CLVS2: variants seen among roughly 807,000 people sequenced by gnomAD.
CLVS2 encodes clavesin 2.
Under a neutral mutation model 29.0 loss-of-function variants are expected in CLVS2, and 19 were observed. The observed-to-expected ratio is 0.66, with a 90% CI of 0.46 to 0.96. CLVS2 has a LOEUF of 0.96. CLVS2 is among the 40% of genes least tolerant of loss of function. The pLI is 0.00. For synonymous variants in CLVS2, 161 were observed against 151.3 expected, an observed-to-expected ratio of 1.06 and a Z score of -0.47; for missense variants, 294 against 404.1, an observed-to-expected ratio of 0.73 and a Z score of 2.34.
chr6:123,011,047 C>G lies in CLVS2; in HGVS notation c.452C>G (p.Pro151Arg). Residue 151 changes from proline to arginine, a missense_variant, in exon 3 of 6, where the codon CCT (proline) becomes CGT (arginine). Around this residue, in one of 2 missense-constraint regions of CLVS2, gnomAD observed 212 missense variants for 336.4 expected, o/e 0.63. Transcript: ENST00000275162. ...LLSLEAMIED[P>R]ELQVNGFVLI... is the part of the protein sequence containing the mutation. ...TCTTTAGAAGCCATGATTGAAGATC[C>G]TGAGCTTCAAGTGAATGGGTTTGTT... 6.2e-7 allele frequency: 1 copy of G among 1,609,996 alleles called. No individual in the cohort carries two copies. The highest frequency in any genetic ancestry group is 8.5e-7 in the Non-Finnish European group (1 of 1,177,668).
intron 3 of CLVS2, among the ~76,000 whole-genome samples, chr6:123,041,716 T>C (rs1352443881): frequency 6.6e-6 from 1 of 152,168 alleles, no homozygotes; most frequent in Non-Finnish European, 1.5e-5. Context: ...TTCTGTTGAC[T>C]ACACTTAAGA....
At chr6:123,039,721 A>G (rs998196344) in intron 3 of CLVS2, among the ~76,000 whole-genome samples, 2 of 152,226 alleles carry the variant, frequency 1.3e-5, no homozygotes, top group African/African-American at 2.4e-5. Flanking sequence ...TGAGAAGGCC[A>G]TGTATGTTTT....
At chr6:123,052,714 T>A (rs1772630376) in intron 4 of CLVS2, among the ~76,000 whole-genome samples, 1 of 152,144 alleles carries the variant, frequency 6.6e-6, no homozygotes, top group Admixed American at 6.5e-5. Flanking sequence ...GTTGAAAGTT[T>A]TGGTCTGAGA....
chr6:123,005,305 CTAA>C (rs1286564393), intron 2 of CLVS2, among the ~76,000 whole-genome samples: 7 of 152,190 alleles, frequency 4.6e-5, no homozygotes, highest in African/African-American at 1.7e-4. Context: ...AGCTTTACCA[CTAA>C]TAATACCCTG....
intron 3 of CLVS2, among the ~76,000 whole-genome samples, chr6:123,022,821 A>G (rs1774943318): frequency 6.6e-6 from 1 of 152,050 alleles, no homozygotes; most frequent in South Asian, 2.1e-4. Context: ...TGGTCAGCCC[A>G]TTATTTCTCT....
chr6:123,048,850 C>A, intron 4 of CLVS2, 118 bp downstream of exon 4: 1 of 640,470 alleles, frequency 1.6e-6, no homozygotes, highest in Non-Finnish European at 2.7e-6. Flanking sequence ...TAGAAATCAA[C>A]ATAGAAGACA....
intron 5 of CLVS2, among the ~76,000 whole-genome samples, chr6:123,056,372 C>A (rs143411809): frequency 0.01 from 1,550 of 152,228 alleles, 13 homozygotes; most frequent in Non-Finnish European, 0.014. Flanking sequence ...TATCCACCCC[C>A]CCAAACCATC....
chr6:123,041,833 A>G (rs545905644), intron 3 of CLVS2, among the ~76,000 whole-genome samples: 2 of 152,320 alleles, frequency 1.3e-5, no homozygotes, highest in South Asian at 4.2e-4. Context: ...ATGTGAATCT[A>G]GAACATCAAT....
intron 3 of CLVS2, among the ~76,000 whole-genome samples, chr6:123,030,672 A>G (rs1175084951): frequency 6.6e-6 from 1 of 151,906 alleles, no homozygotes; most frequent in Non-Finnish European, 1.5e-5. Context: ...TTTTTTCTTC[A>G]TGTTAATATC....
At position 122,998,054 on chromosome 6, in the gene CLVS2, G is replaced by A. The variant is rs765718594; in HGVS notation, c.277G>A (p.Asp93Asn). Reference sequence around the variant, plus strand: ...CATGTTCAAAAGCTTTAAGGCCACCGACCCTGGCATCAAGCAGGCACTGAA... The same window carrying A: ...CATGTTCAAAAGCTTTAAGGCCACCAACCCTGGCATCAAGCAGGCACTGAA... ...LDMFKSFKAT[D>N]PGIKQALKDG... Residue 93 changes from aspartate (D) to asparagine (N), a missense_variant, in exon 2 of 6, where the codon GAC becomes AAC. Asp to Asn is a conservative substitution (Grantham distance 23). Transcript: ENST00000275162. 4 of 1,614,052 alleles carry A rather than the reference G, an allele frequency of 2.5e-6. No homozygotes were observed. In the African/African-American group the frequency reaches 5.3e-5, roughly 22 times the overall value.
At chr6:123,020,622 A>G (rs1022300526) in intron 3 of CLVS2, among the ~76,000 whole-genome samples, 2 of 152,110 alleles carry the variant, frequency 1.3e-5, no homozygotes, top group African/African-American at 4.8e-5. Context: ...CAGCATGTCA[A>G]TAGGATTCAC....
intron 3 of CLVS2, among the ~76,000 whole-genome samples, chr6:123,043,899 A>G (rs1775270227): frequency 6.6e-6 from 1 of 152,212 alleles, no homozygotes; most frequent in Admixed American, 6.5e-5. Context: ...CTTTCTGAAT[A>G]GTTAGATATG....
At chr6:123,002,539 T>C (rs995188939) in intron 2 of CLVS2, among the ~76,000 whole-genome samples, 3 of 151,136 alleles carry the variant, frequency 2.0e-5, no homozygotes, top group Non-Finnish European at 2.9e-5. Flanking sequence ...AGATGGGCAT[T>C]AATGCCAATC....
At chr6:122,998,642 C>G (rs1041961243) in intron 2 of CLVS2, among the ~76,000 whole-genome samples, 2 of 152,156 alleles carry the variant, frequency 1.3e-5, no homozygotes, top group Non-Finnish European at 2.9e-5. Context: ...GCCTGGCGTT[C>G]GACCAAAAGC....
chr6:123,010,333 C>T (rs991048426), intron 2 of CLVS2, among the ~76,000 whole-genome samples: 5 of 151,918 alleles, frequency 3.3e-5, no homozygotes, highest in African/African-American at 1.2e-4. Context: ...CAGGAACTAA[C>T]CTGCTAAGGT....
In CLVS2 at chr6:122,997,803, C is replaced by G. The variant is rs1176656472; in HGVS notation, c.26C>G (p.Ser9Cys). The G allele has an allele frequency of 1.9e-6, 3 of 1,613,892 alleles. No homozygotes were observed. The highest frequency in any genetic ancestry group is 2.5e-6 in the Non-Finnish European group (3 of 1,179,976). Residue 9 changes from serine to cysteine, a missense_variant, in exon 2 of 6, where the codon TCC (serine) becomes TGC (cysteine). Ser to Cys is a moderately radical substitution (Grantham distance 112, BLOSUM62 -1). This residue lies in a region of CLVS2 where 212 missense variants were observed against 336.4 expected (regional missense o/e 0.63). Transcript: ENST00000275162. ...ATGACTCATTTGCAAGCCGGTCTCT[C>G]CCCTGAGACCCTGGAGAAAGCTCGC... MTHLQAGL[S>C]PETLEKARLE...
rs1350339222 is a variant in CLVS2 at position 123,069,704 on chromosome 6, C to T, written c.*5943C>T. ...AAGCCAGAGATATTGTCTCCACTCT[C>T]GTTACAAAAAAGTGCGTTCCTTCTT... On this transcript the variant is annotated 3_prime_UTR_variant, in exon 6 of 6. Transcript: ENST00000275162. 1 of 151,728 alleles carries T rather than the reference C, an allele frequency of 6.6e-6. No homozygotes were observed. The highest frequency in any genetic ancestry group is 1.5e-5 in the Non-Finnish European group (1 of 67,840). The allele number at this position is 151,728 out of a possible 1,614,324, so 9.4% of individuals were successfully genotyped here.
intron 5 of CLVS2, among the ~76,000 whole-genome samples, chr6:123,062,317 T>C (rs963092896): frequency 1.3e-5 from 2 of 152,174 alleles, no homozygotes; most frequent in Non-Finnish European, 2.9e-5. Flanking sequence ...ATAAAGATGA[T>C]TATGTATTAT....
At chr6:123,005,306 TAA>T (rs1774651431) in intron 2 of CLVS2, among the ~76,000 whole-genome samples, 1 of 152,170 alleles carries the variant, frequency 6.6e-6, no homozygotes, top group Non-Finnish European at 1.5e-5. Flanking sequence ...GCTTTACCAC[TAA>T]TAATACCCTG....
Sources: allele counts gnomAD v4.1 joint callset (sites outside exome capture counted in the v4.1 genomes callset), GRCh38; gene constraint gnomAD v4.1.1; regional missense constraint gnomAD v4.1.1; transcripts MANE v1.5; gene names NCBI Gene and HGNC (gene_info 2026-07-23, HGNC 2026-07-21).